NRXN1: variants seen among roughly 807,000 people sequenced by gnomAD.
NRXN1 encodes neurexin 1.
In NRXN1, 39 loss-of-function variants were observed where a neutral mutation model predicts 150.9. The observed-to-expected ratio is 0.26, with a 90% CI of 0.20 to 0.34. The LOEUF is 0.34. NRXN1 is among the 10% of genes least tolerant of loss of function. The pLI is 1.00. For synonymous variants in NRXN1, 924 were observed against 757.0 expected, an observed-to-expected ratio of 1.22 and a Z score of -3.62; for missense variants, 1,815 against 1,949.9, an observed-to-expected ratio of 0.93 and a Z score of 1.30.
intron 17 of NRXN1, among the ~76,000 whole-genome samples, chr2:50,325,715 G>A (rs2076344257): frequency 6.6e-6 from 1 of 152,122 alleles, no homozygotes; most frequent in African/African-American, 2.4e-5. Context: ...GAATAGCCTT[G>A]TCTAATTTTA....
intron 21 of NRXN1, among the ~76,000 whole-genome samples, chr2:50,026,853 T>C (rs1484270922): frequency 7.1e-6 from 1 of 139,886 alleles, no homozygotes; most frequent in African/African-American, 2.8e-5. Context: ...TTAAGTCTTT[T>C]CTTTTCTTTT....
chr2:50,368,239 T>C (rs2079744584), intron 17 of NRXN1, among the ~76,000 whole-genome samples: 1 of 151,900 alleles, frequency 6.6e-6, no homozygotes, highest in Non-Finnish European at 1.5e-5. Context: ...ATGGTAGAGC[T>C]CATGAAACAC....
intron 5 of NRXN1, among the ~76,000 whole-genome samples, chr2:50,859,195 G>C (rs963443410): frequency 2.0e-5 from 3 of 151,610 alleles, no homozygotes; most frequent in Non-Finnish European, 2.9e-5. Flanking sequence ...ACCTGGCTCT[G>C]GGTCCAGGAA....
In NRXN1 at chr2:51,028,140, T is replaced by C. The variant is rs1670899012; in HGVS notation, c.134A>G (p.Lys45Arg). The C allele has an allele frequency of 1.3e-6, 2 of 1,555,078 alleles. No individual in the cohort carries two copies. The highest frequency in any genetic ancestry group is 1.4e-5 in the African/African-American group (1 of 73,642). ...CTCGCTCTCGCAGCAGGCGTTCCACTTGGGGAAGCGCGTCCATTGGCCCTC... is the reference window on the plus strand; with the variant it reads ...CTCGCTCTCGCAGCAGGCGTTCCACCTGGGGAAGCGCGTCCATTGGCCCTC... ...GAEGQWTRFP[K>R]WNACCESEMS... The change falls in exon 2 of 23, where the codon AAG (lysine) becomes AGG (arginine). Residue 45 changes from lysine to arginine, a missense_variant. This residue lies in a region of NRXN1 where 554 missense variants were observed against 478.8 expected (regional missense o/e 1.16). Transcript: ENST00000401669.
chr2:50,921,931 G>A, intron 4 of NRXN1, 51 bp from the exon 5 acceptor site: 1 of 1,153,454 alleles, frequency 8.7e-7, no homozygotes, highest in Non-Finnish European at 1.2e-6. Context: ...CAGACAAAGA[G>A]GATAAAGAGG....
At chr2:50,966,619 T>C (rs1694132832) in intron 2 of NRXN1, among the ~76,000 whole-genome samples, 1 of 151,828 alleles carries the variant, frequency 6.6e-6, no homozygotes, top group Non-Finnish European at 1.5e-5. Context: ...TCCATTTTAA[T>C]GTGATTGCCA....
At chr2:49,980,818 T>C (rs919007159) in intron 21 of NRXN1, among the ~76,000 whole-genome samples, 1 of 152,088 alleles carries the variant, frequency 6.6e-6, no homozygotes, top group African/African-American at 2.4e-5. Context: ...GGGGTTTTCA[T>C]ATGATGGGTT....
chr2:50,498,856 C>T (rs2091788610), intron 13 of NRXN1, among the ~76,000 whole-genome samples: 1 of 152,142 alleles, frequency 6.6e-6, no homozygotes, highest in Non-Finnish European at 1.5e-5. Flanking sequence ...CAAGTTCTTC[C>T]ACGTGCTAGC....
At chr2:50,104,412 C>A (rs569336938) in intron 18 of NRXN1, among the ~76,000 whole-genome samples, 2 of 151,980 alleles carry the variant, frequency 1.3e-5, no homozygotes, top group Admixed American at 6.6e-5. Context: ...GGTAAAAATG[C>A]ACTGAGAGAT....
In NRXN1 at chr2:50,778,259, T is replaced by G. The variant is rs574513689; in HGVS notation, c.832+143610A>C. Reference sequence around the variant, plus strand: ...ATTAAAAGACAAAATGAAAAGAAGATGAAATTCACCCAACTCAGTGTTTTT... The same window carrying G: ...ATTAAAAGACAAAATGAAAAGAAGAGGAAATTCACCCAACTCAGTGTTTTT... On this transcript the variant is annotated intron_variant, in intron 5 of 22. Transcript: ENST00000401669. Among the ~76,000 whole-genome samples, 5 of 152,176 alleles carry G rather than the reference T, an allele frequency of 3.3e-5. No individual in the cohort carries two copies. The East Asian group carries it at 9.7e-4, about 29-fold the overall frequency.
intron 5 of NRXN1, among the ~76,000 whole-genome samples, chr2:50,734,369 G>A (rs562367242): frequency 6.6e-6 from 1 of 152,228 alleles, no homozygotes; most frequent in Admixed American, 6.5e-5. Flanking sequence ...ATTTAAACTA[G>A]TTAATGTGAA....
At chr2:50,263,846 A>G (rs1283534049) in intron 17 of NRXN1, among the ~76,000 whole-genome samples, 5 of 152,106 alleles carry the variant, frequency 3.3e-5, no homozygotes, top group African/African-American at 9.7e-5. Flanking sequence ...GTATCACTCT[A>G]TTGATTGGCT....
chr2:50,672,926 C>G (rs1334984416), intron 5 of NRXN1, among the ~76,000 whole-genome samples: 1 of 151,994 alleles, frequency 6.6e-6, no homozygotes, highest in Admixed American at 6.6e-5. Context: ...TTGCAAAACA[C>G]TATATTGAGA....
chr2:50,375,010 G>A (rs1031645378), intron 17 of NRXN1, among the ~76,000 whole-genome samples: 5 of 152,124 alleles, frequency 3.3e-5, no homozygotes, highest in African/African-American at 1.2e-4. Context: ...TTGAAGAGGT[G>A]GCTGTTGACA....
intron 8 of NRXN1, among the ~76,000 whole-genome samples, chr2:50,602,678 C>T (rs1573744180): frequency 1.3e-5 from 2 of 152,084 alleles, no homozygotes; most frequent in South Asian, 2.1e-4. Flanking sequence ...GGCTCAGATA[C>T]ACTTTCTATT....
At chr2:50,220,266 G>A (rs781097507) in intron 18 of NRXN1, among the ~76,000 whole-genome samples, 37 of 151,406 alleles carry the variant, frequency 2.4e-4, no homozygotes, top group Admixed American at 1.3e-3. Flanking sequence ...CAAACCTAGA[G>A]CATTTCTCTG....
At chr2:51,000,910 T>A (rs1477636780) in intron 2 of NRXN1, among the ~76,000 whole-genome samples, 2 of 151,950 alleles carry the variant, frequency 1.3e-5, no homozygotes, top group Admixed American at 1.3e-4. Context: ...CTTTTCTGTT[T>A]CCATGTCAGA....
At chr2:50,442,718 T>C (rs894119433) in intron 17 of NRXN1, among the ~76,000 whole-genome samples, 3 of 152,092 alleles carry the variant, frequency 2.0e-5, no homozygotes, top group African/African-American at 4.8e-5. Flanking sequence ...ATGAGATTAG[T>C]TGGACGAGGG....
At chr2:50,413,652 C>A (rs2083341286) in intron 17 of NRXN1, among the ~76,000 whole-genome samples, 1 of 152,046 alleles carries the variant, frequency 6.6e-6, no homozygotes, top group East Asian at 1.9e-4. Flanking sequence ...GATTGAGCTA[C>A]CATAAGATCT....
Sources: gnomAD v4.1 joint callset for allele counts (sites outside exome capture counted in the v4.1 genomes callset) on GRCh38, gnomAD v4.1.1 for gene constraint, gnomAD v4.1.1 regional missense constraint, MANE v1.5 for transcripts, NCBI Gene and HGNC (gene_info 2026-07-23, HGNC 2026-07-21) for gene names.